The following GATAD2A variants were observed in gnomAD, a reference collection of about 807,000 sequenced individuals.
The protein encoded by GATAD2A is GATA zinc finger domain containing 2A, also known as transcriptional repressor p66-alpha.
GATAD2A carries 12 observed loss-of-function variants against 68.5 expected under a neutral mutation model. That is an observed-to-expected ratio of 0.18 (90% CI 0.11 to 0.28). GATAD2A has a LOEUF of 0.28. Ranked by LOEUF, GATAD2A falls within the 10% of genes least tolerant of loss-of-function variation. GATAD2A has a pLI of 1.00. For synonymous variants in GATAD2A, 410 were observed against 375.3 expected (o/e 1.09, Z -1.07); for missense variants, 755 against 868.5 (o/e 0.87, Z 1.64).
chr19:19,421,616 T>C (rs1034553650), intron 1 of GATAD2A, among the ~76,000 whole-genome samples: 4 of 152,046 alleles, frequency 2.6e-5, no homozygotes, highest in Non-Finnish European at 5.9e-5. Flanking sequence ...CCTGCTGACA[T>C]GAAGCCTGAT....
intron 1 of GATAD2A, among the ~76,000 whole-genome samples, chr19:19,459,337 A>C (rs2057215739): frequency 6.6e-6 from 1 of 151,752 alleles, no homozygotes; most frequent in African/African-American, 2.4e-5. Flanking sequence ...GATTTTAGTG[A>C]AGTTACTTTC....
At chr19:19,440,113 A>T (rs536444443) in intron 1 of GATAD2A, 2 of 405,320 alleles carry the variant, frequency 4.9e-6, no homozygotes, top group South Asian at 3.4e-5. Context: ...GGAGTAGGTG[A>T]TGTCTTCATT....
intron 1 of GATAD2A, among the ~76,000 whole-genome samples, chr19:19,430,975 G>GT: frequency 1.7e-5 from 2 of 120,164 alleles, no homozygotes; most frequent in South Asian, 3.0e-4. Context: ...TGTATGGTAG[G>GT]GGTGTGTGTG....
chr19:19,422,490 A>G (rs2052542297), intron 1 of GATAD2A, among the ~76,000 whole-genome samples: 1 of 152,096 alleles, frequency 6.6e-6, no homozygotes, highest in East Asian at 1.9e-4. Flanking sequence ...CTTCTGTGAC[A>G]TCTAAGACTT....
chr19:19,406,360 A>G (rs188552254), intron 1 of GATAD2A, among the ~76,000 whole-genome samples: 18,056 of 132,350 alleles, frequency 0.14, 1,131 homozygotes, highest in South Asian at 0.23. Context: ...GGACGGGTGG[A>G]GGCGGCGGGA....
At chr19:19,404,675 T>G (rs1178538997), upstream of GATAD2A, among the ~76,000 whole-genome samples, 1 of 108,032 alleles carries the variant, frequency 9.3e-6, no homozygotes, top group Non-Finnish European at 2.1e-5. Flanking sequence ...AGAGCAAGAC[T>G]CTGTCTCCAA....
chr19:19,432,148 TATTTTTA>T (rs2053825481), intron 1 of GATAD2A, among the ~76,000 whole-genome samples: 1 of 152,044 alleles, frequency 6.6e-6, no homozygotes, highest in African/African-American at 2.4e-5. Context: ...GCTAATTTTG[TATTTTTA>T]ATAGGGACAG....
At chr19:19,493,672 G>A (rs1470243518) in intron 4 of GATAD2A, among the ~76,000 whole-genome samples, 1 of 152,144 alleles carries the variant, frequency 6.6e-6, no homozygotes, top group African/African-American at 2.4e-5. Flanking sequence ...CTGAAGGAAG[G>A]ACAGGACTCT....
chr19:19,462,354 G>A (rs113383164), intron 1 of GATAD2A, among the ~76,000 whole-genome samples: 201 of 152,336 alleles, frequency 1.3e-3, no homozygotes, highest in African/African-American at 4.6e-3. Flanking sequence ...CTTGGCAGTG[G>A]AGGAGGCTCC....
At chr19:19,491,687 C>T (rs1402858896) in intron 2 of GATAD2A, among the ~76,000 whole-genome samples, 2 of 152,236 alleles carry the variant, frequency 1.3e-5, no homozygotes, top group South Asian at 2.1e-4. Context: ...GGCCATCTAG[C>T]ACCTGGTGCC....
chr19:19,485,071 C>T (rs1310831236), intron 2 of GATAD2A, among the ~76,000 whole-genome samples: 1 of 152,200 alleles, frequency 6.6e-6, no homozygotes, highest in Non-Finnish European at 1.5e-5. Context: ...TGAGTCTGCA[C>T]CTGTCTGGGG....
chr19:19,461,597 C>T (rs955235569), intron 1 of GATAD2A, among the ~76,000 whole-genome samples: 12 of 152,238 alleles, frequency 7.9e-5, no homozygotes, highest in African/African-American at 1.9e-4. Context: ...GTCAGAGCTG[C>T]GCTGTACCTG....
At chr19:19,495,236 C>T (rs2060063324) in intron 5 of GATAD2A, among the ~76,000 whole-genome samples, 1 of 151,876 alleles carries the variant, frequency 6.6e-6, no homozygotes, top group Non-Finnish European at 1.5e-5. Context: ...TCAAGATATC[C>T]ACCCGCCTTG....
At chr19:19,406,562 C>T (rs1002527567) in intron 1 of GATAD2A, among the ~76,000 whole-genome samples, 1 of 152,162 alleles carries the variant, frequency 6.6e-6, no homozygotes, top group Non-Finnish European at 1.5e-5. Context: ...CTGCCTAACC[C>T]CCGGGAGCCG....
chr19:19,394,745 A>G (rs1472394644), intron 1 of GATAD2A, among the ~76,000 whole-genome samples: 2 of 152,052 alleles, frequency 1.3e-5, no homozygotes, highest in Non-Finnish European at 2.9e-5. Context: ...CTCCCGGCCC[A>G]GGCTTTCCTC....
chr19:19,470,481 C>T lies in GATAD2A; in HGVS notation c.269+4867C>T, dbSNP rs117482399. On this transcript the variant is annotated intron_variant, in intron 2 of 11. Transcript: ENST00000683918. ...AGGAAGACATAACAGTCAGCAGAGC[C>T]CCCAAATACCTGAAAACATAAACTT... Among the ~76,000 whole-genome samples the T allele has an allele frequency of 3.4e-3, 520 of 152,236 alleles. 1 individual carries two copies. Among genetic ancestry groups the T allele is most frequent in the Non-Finnish European group, 4.7e-3 (319 of 68,030 alleles).
At chr19:19,459,107 C>T (rs1018922211) in intron 1 of GATAD2A, among the ~76,000 whole-genome samples, 24 of 152,126 alleles carry the variant, frequency 1.6e-4, no homozygotes, top group Admixed American at 1.5e-3. Flanking sequence ...TGCCTGGCTT[C>T]ACACTTGTGC....
At chr19:19,457,740 CAAA>C (rs563484205) in intron 1 of GATAD2A, among the ~76,000 whole-genome samples, 3 of 106,508 alleles carry the variant, frequency 2.8e-5, no homozygotes, top group Admixed American at 1.9e-4. Flanking sequence ...GACTGTGTCT[CAAA>C]AAAAAAAAAA....
chr19:19,438,997 A>G (rs1347182950), intron 1 of GATAD2A, among the ~76,000 whole-genome samples: 3 of 152,258 alleles, frequency 2.0e-5, no homozygotes, highest in Non-Finnish European at 4.4e-5. Flanking sequence ...ACTAGCCCAC[A>G]CTTGCTTTAA....
Sources: allele counts gnomAD v4.1 joint callset (sites outside exome capture counted in the v4.1 genomes callset), GRCh38; gene constraint gnomAD v4.1.1; transcripts MANE v1.5; gene names NCBI Gene and HGNC (gene_info 2026-07-23, HGNC 2026-07-21).